The following BBS7 variants were observed in gnomAD, a reference collection of about 807,000 sequenced individuals.
The protein encoded by BBS7 is BBSome complex member BBS7.
BBS7 carries 50 observed loss-of-function variants against 90.3 expected under a neutral mutation model. The observed-to-expected ratio is 0.55, with a 90% CI of 0.44 to 0.70. The LOEUF is 0.70. Among genes scored for constraint, BBS7 ranks in the 30% least tolerant of loss-of-function variants. BBS7 has a pLI of 0.00. For synonymous variants in BBS7, 235 were observed against 287.4 expected (o/e 0.82, Z 1.85); for missense variants, 729 against 838.9 (o/e 0.87, Z 1.62).
intron 5 of BBS7, among the ~76,000 whole-genome samples, chr4:121,855,922 A>G (rs529633225): frequency 6.1e-5 from 9 of 147,084 alleles, no homozygotes; most frequent in East Asian, 6.1e-4. Context: ...ATATATGTGT[A>G]CATGTACATG....
In BBS7 at chr4:121,825,883, T is replaced by G. The variant is rs762111748; in HGVS notation, c.2125A>C (p.Ile709Leu). The part of the protein sequence containing the change: ...ILDSYDQNAL[I>L]SFFDAA ...TGTCATGCTGCATCGAAGAATGAAA[T>G]CAATGCATTTTGGTCATAACTGTCC... The change falls in exon 19 of 19, where the codon ATT becomes CTT. Residue 709 changes from isoleucine to leucine, a missense_variant. Physicochemically the swap from Ile to Leu is conservative, Grantham distance 5. Transcript: ENST00000264499. 6.2e-7 allele frequency: 1 copy of G among 1,613,162 alleles called. No homozygotes were observed. Among genetic ancestry groups the G allele is most frequent in the Non-Finnish European group, 8.5e-7 (1 of 1,179,646 alleles).
chr4:121,869,024 G>A (rs895075135), intron 1 of BBS7, among the ~76,000 whole-genome samples: 6 of 152,176 alleles, frequency 3.9e-5, no homozygotes, highest in Non-Finnish European at 8.8e-5. Context: ...CTTGGAGGGA[G>A]ATGAAGCTGG....
chr4:121,847,538 T>C, intron 9 of BBS7, 32 bp from the exon 10 acceptor site: 1 of 1,394,552 alleles, frequency 7.2e-7, no homozygotes. Flanking sequence ...ACGCACCACT[T>C]AGTACTGCTA....
intron 9 of BBS7, 40 bp downstream of exon 9, chr4:121,848,804 G>A: frequency 1.3e-6 from 2 of 1,514,626 alleles, no homozygotes; most frequent in Non-Finnish European, 9.1e-7. Context: ...TTTTTTTGTT[G>A]TTGACTCTTT....
At position 121,828,252 on chromosome 4, in the gene BBS7, C is replaced by T. The variant is rs1032076450; in HGVS notation, c.1908G>A (p.Glu636=). Reference sequence around the variant, plus strand: ...CTGGTATCAGAAAGTTCGTATTTCCCTCATGAATCTGTAATTCCTATTTAA... The same window carrying T: ...CTGGTATCAGAAAGTTCGTATTTCCTTCATGAATCTGTAATTCCTATTTAA... ...IDALKELQIH[E]GNTNFLIPEY... Residue 636 remains glutamate, a synonymous_variant, in exon 18 of 19, where the codon GAG becomes GAA. Transcript: ENST00000264499. The T allele has an allele frequency of 1.1e-5, 18 of 1,613,292 alleles. No individual in the cohort carries two copies. Among genetic ancestry groups the T allele is most frequent in the East Asian group, 2.2e-5 (1 of 44,820 alleles).
intron 13 of BBS7, among the ~76,000 whole-genome samples, chr4:121,836,959 G>GT (rs953655465): frequency 4.5e-4 from 61 of 135,870 alleles, no homozygotes; most frequent in East Asian, 1.0e-3. Context: ...TGTGTTTTGG[G>GT]TTTTTTTTGT....
chr4:121,836,412 A>G (rs1725451956), intron 13 of BBS7, among the ~76,000 whole-genome samples: 1 of 152,082 alleles, frequency 6.6e-6, no homozygotes, highest in African/African-American at 2.4e-5. Flanking sequence ...GTTTCTTTTC[A>G]TACATTTCTT....
intron 18 of BBS7, among the ~76,000 whole-genome samples, chr4:121,826,657 C>T (rs375904376): frequency 9.9e-5 from 15 of 152,236 alleles, no homozygotes; most frequent in South Asian, 6.2e-4. Context: ...ACAAAATATA[C>T]GGATGAATAT....
rs1725824382 is a variant in BBS7, at chr4:121,843,084, TAA to T, written c.1305+841_1305+842del. ...AACTATATAGCATTTTCAGGAATTT[TAA>T]GAACTTCAGTTTGGCAGAAATAATG... On this transcript the variant is annotated intron_variant, in intron 12 of 18. Transcript: ENST00000264499. 4.6e-5 allele frequency among the ~76,000 whole-genome samples: 7 copies of T among 152,286 alleles called. No individual in the cohort carries two copies. In the East Asian group the frequency reaches 1.4e-3, roughly 29 times the overall value.
In BBS7 at chr4:121,825,898, C is replaced by G; in HGVS notation, c.2110G>C (p.Asp704His). 1 of 1,613,168 alleles carries G rather than the reference C, an allele frequency of 6.2e-7. No individual in the cohort carries two copies. The highest frequency in any genetic ancestry group is 1.1e-5 in the South Asian group (1 of 91,038). ...PLLLEILDSY[D>H]QNALISFFDA... ...AAGAATGAAATCAATGCATTTTGGT[C>G]ATAACTGTCCAGAATTTCCAATAGA... The change falls in exon 19 of 19, where the codon GAC becomes CAC. Residue 704 changes from aspartate (D) to histidine (H), a missense_variant. Coordinates refer to ENST00000264499, the MANE Select transcript of BBS7 (RefSeq NM_176824.3).
chr4:121,854,541 A>T (rs1324873890), intron 7 of BBS7, among the ~76,000 whole-genome samples, 163 bp downstream of exon 7: 1 of 152,216 alleles, frequency 6.6e-6, no homozygotes, highest in Non-Finnish European at 1.5e-5. Flanking sequence ...AAATTATGCC[A>T]ATAGTATAAT....
chr4:121,848,165 G>A (rs1726117398), intron 9 of BBS7, among the ~76,000 whole-genome samples: 1 of 152,080 alleles, frequency 6.6e-6, no homozygotes, highest in South Asian at 2.1e-4. Flanking sequence ...AGTTTTTAAT[G>A]CTGTAAGTAA....
At chr4:121,863,085 T>C in intron 3 of BBS7, 132 bp downstream of exon 3, 1 of 824,226 alleles carries the variant, frequency 1.2e-6, no homozygotes, top group Non-Finnish European at 2.0e-6. Flanking sequence ...GACTCATATC[T>C]CACATAACTA....
In BBS7 at chr4:121,826,010, TA is replaced by T; in HGVS notation, c.2015-18del. 2 of 1,572,334 alleles carry T rather than the reference TA, an allele frequency of 1.3e-6. No homozygotes were observed. Among genetic ancestry groups the T allele is most frequent in the Non-Finnish European group, 1.7e-6 (2 of 1,146,002 alleles). On this transcript the variant is annotated intron_variant, in intron 18 of 18. Transcript: ENST00000264499. ...TGATCATGCCTTTAAAGAAAAAACA[TA>T]AATTTCCTGTCAGTGATTAGTTATA...
At chr4:121,829,827 A>T (rs1725096006) in intron 15 of BBS7, among the ~76,000 whole-genome samples, 1 of 152,250 alleles carries the variant, frequency 6.6e-6, no homozygotes. Flanking sequence ...TGCATGGTAA[A>T]GCCAAGAAAA....
At position 121,828,141 on chromosome 4, in the gene BBS7, C is replaced by T; in HGVS notation, c.2014+5G>A. 1 of 1,613,734 alleles carries T rather than the reference C, an allele frequency of 6.2e-7. No homozygotes were observed. Among genetic ancestry groups the T allele is most frequent in the Middle Eastern group, 1.7e-4 (1 of 6,058 alleles). On this transcript the variant is annotated splice_donor_5th_base_variant and intron_variant, in intron 18 of 18. Transcript: ENST00000264499. ...TGGCAAGGTATTCTAGAATGGTCCACTAACCATAGAGTCTTTCAAGATGTG... is the reference window on the plus strand; with the variant it reads ...TGGCAAGGTATTCTAGAATGGTCCATTAACCATAGAGTCTTTCAAGATGTG...
At chr4:121,836,094 G>A (rs772433263) in intron 13 of BBS7, among the ~76,000 whole-genome samples, 1 of 152,124 alleles carries the variant, frequency 6.6e-6, no homozygotes, top group Non-Finnish European at 1.5e-5. Context: ...TATAATCTAT[G>A]GCATATTTGG....
rs571111747 is a variant in BBS7 at position 121,845,452 on chromosome 4, G to A, written c.1230+52C>T. On this transcript the variant is annotated intron_variant, in intron 11 of 18. Transcript: ENST00000264499. ...CAATAATAATTAGTACATATGACTG[G>A]TTTGCAAAATAGATCCAGTCATAAA... 8.7e-6 allele frequency: 12 copies of A among 1,381,206 alleles called. No individual in the cohort carries two copies. The South Asian group carries it at 1.4e-4, about 16-fold the overall frequency. The allele number at this position is 1,381,206 out of a possible 1,614,324, so 85.6% of individuals were successfully genotyped here. A position where few individuals can be genotyped will look rare whatever the true frequency, so the allele number is the denominator to read the frequency against.
At chr4:121,867,128 T>A (rs1212743038) in intron 2 of BBS7, among the ~76,000 whole-genome samples, 3 of 152,176 alleles carry the variant, frequency 2.0e-5, no homozygotes, top group Non-Finnish European at 4.4e-5. Flanking sequence ...TAGTTTTTTT[T>A]ATAGAGGTCT....
Sources: allele counts gnomAD v4.1 joint callset (sites outside exome capture counted in the v4.1 genomes callset), GRCh38; gene constraint gnomAD v4.1.1; transcripts MANE v1.5; gene names NCBI Gene and HGNC (gene_info 2026-07-23, HGNC 2026-07-21).